Variants in OLFML2B observed in about 807,000 individuals in gnomAD.
OLFML2B encodes the protein olfactomedin-like protein 2B.
In OLFML2B, 57 loss-of-function variants were observed where a neutral mutation model predicts 74.9. That is an observed-to-expected ratio of 0.76 (90% CI 0.61 to 0.95). OLFML2B has a LOEUF of 0.95. OLFML2B is among the 40% of genes least tolerant of loss of function. The pLI, the probability that OLFML2B is intolerant of heterozygous loss-of-function variation, is 0.00. For missense variants in OLFML2B, 986 were observed against 970.6 expected (o/e 1.02, Z -0.21); for synonymous variants, 388 against 405.8 (o/e 0.96, Z 0.53).
chr1:161,995,526 T>G (rs952298334), intron 6 of OLFML2B, among the ~76,000 whole-genome samples: 2 of 151,884 alleles, frequency 1.3e-5, no homozygotes, highest in Non-Finnish European at 2.9e-5. Flanking sequence ...GGGGAAAGAG[T>G]TATAAGTGTC....
rs771916043 is a variant in OLFML2B, at chr1:162,020,054, G to A, written c.303C>T (p.Asp101=). The change falls in exon 2 of 8, where the codon GAC becomes GAT. Residue 101 remains aspartate (D), a synonymous_variant. Transcript: ENST00000294794. ...RINAGASRKE[D]FYTVETITSG... ...AGGTGATGGTTTCCACGGTATAGAA[G>A]TCTTCCTTCCTGGAGGCCCCCGCAT... The A allele has an allele frequency of 6.2e-7, 1 of 1,614,182 alleles. No individual in the cohort carries two copies. The highest frequency in any genetic ancestry group is 8.5e-7 in the Non-Finnish European group (1 of 1,180,032).
Position 162,006,354 on chromosome 1 carries a change from CATGCTA to C in OLFML2B, c.660_665del (p.Asp220_Met222delinsGlu). 1.2e-6 allele frequency: 2 copies of C among 1,612,672 alleles called. No individual in the cohort carries two copies. The highest frequency in any genetic ancestry group is 1.7e-6 in the Non-Finnish European group (2 of 1,179,560). On this transcript the variant is annotated inframe_deletion, in exon 4 of 8. Transcript: ENST00000294794. ...TCTGCAGGGCTGAGCGGATGTCTGGCATGCTATCTAGGATGTTTTCAGAGCAATTTT... is the reference window on the plus strand; with the variant it reads ...TCTGCAGGGCTGAGCGGATGTCTGGCTCTAGGATGTTTTCAGAGCAATTTT...
chr1:162,000,665 G>A (rs568671631), intron 4 of OLFML2B, among the ~76,000 whole-genome samples: 11 of 152,274 alleles, frequency 7.2e-5, no homozygotes, highest in African/African-American at 2.4e-4. Context: ...AATCAGTGTC[G>A]CTATGCTTGA....
chr1:161,992,280 GAA>G (rs1689763085), intron 6 of OLFML2B, among the ~76,000 whole-genome samples: 2 of 152,216 alleles, frequency 1.3e-5, no homozygotes, highest in Non-Finnish European at 2.9e-5. Flanking sequence ...TCATAGAATT[GAA>G]GAGAGTTAGG....
rs150972034 is a variant in OLFML2B at position 162,022,851 on chromosome 1, C to T, written c.174+406G>A. The stretch of plus-strand genomic sequence containing the variant: ...CTCCCGCCTGGTGTCCCACCCTCTG[C>T]CATAAAGTATCTCCCGATGGGATAT... On this transcript the variant is annotated intron_variant, in intron 1 of 7. Coordinates refer to ENST00000294794, the MANE Select transcript of OLFML2B (RefSeq NM_015441.3). Among the ~76,000 whole-genome samples the T allele has an allele frequency of 1.3e-3, 199 of 152,270 alleles. 1 individual carries two copies. In the East Asian group the frequency reaches 0.035, roughly 27 times the overall value.
intron 4 of OLFML2B, among the ~76,000 whole-genome samples, chr1:162,005,458 T>G (rs1437872413): frequency 6.6e-6 from 1 of 152,246 alleles, no homozygotes; most frequent in Non-Finnish European, 1.5e-5. Context: ...GGCCTGCTTT[T>G]CTAGAGCTGT....
At chr1:162,010,632 C>T (rs10218544) in intron 3 of OLFML2B, among the ~76,000 whole-genome samples, 9,209 of 151,976 alleles carry the variant, frequency 0.061, 306 homozygotes, top group African/African-American at 0.092. Flanking sequence ...CGGGTGAGAC[C>T]GTGTAGTATC....
intron 3 of OLFML2B, among the ~76,000 whole-genome samples, chr1:162,014,237 G>A (rs569777724): frequency 6.6e-6 from 1 of 152,266 alleles, no homozygotes; most frequent in Admixed American, 6.5e-5. Context: ...TCGTTTTTCA[G>A]TATTTAAAAC....
At chr1:162,001,800 C>T (rs1212381417) in intron 4 of OLFML2B, among the ~76,000 whole-genome samples, 2 of 152,210 alleles carry the variant, frequency 1.3e-5, no homozygotes, top group African/African-American at 4.8e-5. Context: ...TGGATTGAGG[C>T]TCCCTAATAT....
chr1:161,983,909 G>A lies in OLFML2B; in HGVS notation c.2019C>T (p.Tyr673=), dbSNP rs1329336221. ...CCCCACAGATGACGAAGCAGTTGCC[G>A]TAGAAATTCCTCCGGAGCCCCGTGC... The part of the protein sequence containing the change: ...TWRTGLRRNF[Y]GNCFVICGVL... The change falls in exon 8 of 8, where the codon TAC becomes TAT. Residue 673 remains tyrosine (Y), a synonymous_variant. Transcript: ENST00000294794. 8 of 1,614,082 alleles carry A rather than the reference G, an allele frequency of 5.0e-6. No homozygotes were observed. In the African/African-American group the frequency reaches 6.7e-5, roughly 13 times the overall value.
Position 162,023,775 on chromosome 1 carries a change from C to T in OLFML2B, c.-345G>A. The T allele has an allele frequency of 1.2e-5, 2 of 171,652 alleles. No individual in the cohort carries two copies. Among genetic ancestry groups the T allele is most frequent in the Non-Finnish European group, 2.5e-5 (2 of 81,088 alleles). 10.6% of individuals were successfully genotyped at this position (171,652 alleles called of 1,614,324 possible). A position where few individuals can be genotyped will look rare whatever the true frequency, so the allele number is the denominator to read the frequency against. ...GGCGTTCGGACAGACGCCCGCGGTGCGCGCCGGGACGGGCGGCGGGGAGCC... is the reference window on the plus strand; with the variant it reads ...GGCGTTCGGACAGACGCCCGCGGTGTGCGCCGGGACGGGCGGCGGGGAGCC... On this transcript the variant is annotated 5_prime_UTR_variant, in exon 1 of 8. Coordinates refer to ENST00000294794, the MANE Select transcript of OLFML2B (RefSeq NM_015441.3).
intron 4 of OLFML2B, 133 bp downstream of exon 4, chr1:162,006,164 G>T: frequency 2.6e-6 from 2 of 781,606 alleles, no homozygotes; most frequent in Non-Finnish European, 1.9e-6. Context: ...AGAACCTGCA[G>T]AACAATTGTA....
Position 161,984,893 on chromosome 1 carries a change from G to A in OLFML2B, c.1562C>T (p.Pro521Leu), listed in dbSNP as rs779158212. Residue 521 changes from proline to leucine, a missense_variant, in exon 7 of 8, where the codon CCC (proline) becomes CTC (leucine). Physicochemically the swap from Pro to Leu is moderately conservative, Grantham distance 98. Coordinates refer to ENST00000294794, the MANE Select transcript of OLFML2B (RefSeq NM_015441.3). Reference sequence around the variant, plus strand: ...GTAAATCCGCTCATCCTTGGCCAGGGGGTCCTTCATCCAGGCCCCTTCATT... The same window carrying A: ...GTAAATCCGCTCATCCTTGGCCAGGAGGTCCTTCATCCAGGCCCCTTCATT... ...GRNEGAWMKD[P>L]LAKDERIYVT... The A allele has an allele frequency of 1.2e-6, 2 of 1,612,104 alleles. No individual in the cohort carries two copies. The highest frequency in any genetic ancestry group is 2.2e-5 in the South Asian group (2 of 90,918).
At chr1:161,990,066 G>A (rs772685925) in intron 6 of OLFML2B, among the ~76,000 whole-genome samples, 14 of 152,196 alleles carry the variant, frequency 9.2e-5, no homozygotes, top group Admixed American at 3.9e-4. Flanking sequence ...TCATAGTTCC[G>A]TTTCTTTTTA....
At position 162,023,435 on chromosome 1, in the gene OLFML2B, G is replaced by A. The variant is rs377113617; in HGVS notation, c.-5C>T. On this transcript the variant is annotated 5_prime_UTR_variant, in exon 1 of 8. Coordinates refer to ENST00000294794, the MANE Select transcript of OLFML2B (RefSeq NM_015441.3). ...TAGCAGCCGAGGCTTGGCCATGAGG[G>A]GCGCGATAAGAGTGTCCTCAGCCCC... 1.4e-5 allele frequency: 22 copies of A among 1,551,406 alleles called. No individual in the cohort carries two copies. The African/African-American group carries it at 2.8e-4, about 19-fold the overall frequency.
At chr1:162,004,321 G>A (rs750802045) in intron 4 of OLFML2B, among the ~76,000 whole-genome samples, 1 of 152,136 alleles carries the variant, frequency 6.6e-6, no homozygotes, top group African/African-American at 2.4e-5. Context: ...CCACCAAGCA[G>A]ACTAAACACT....
At chr1:161,985,110 C>T in intron 6 of OLFML2B, 130 bp from the exon 7 acceptor site, 1 of 886,582 alleles carries the variant, frequency 1.1e-6, no homozygotes, top group Non-Finnish European at 1.7e-6. Flanking sequence ...AACCTGACCC[C>T]AAACATTTTT....
intron 3 of OLFML2B, among the ~76,000 whole-genome samples, chr1:162,008,700 C>G (rs1194408962): frequency 6.6e-6 from 1 of 152,212 alleles, no homozygotes; most frequent in East Asian, 1.9e-4. Context: ...CCCAGGCCCA[C>G]TCAGACCTGC....
At chr1:162,017,309 C>T in intron 3 of OLFML2B, 91 bp downstream of exon 3, 2 of 904,954 alleles carry the variant, frequency 2.2e-6, no homozygotes, top group Non-Finnish European at 3.6e-6. Flanking sequence ...GTCTAGTCAG[C>T]ACATGTGCTA....
Sources: allele counts gnomAD v4.1 joint callset (sites outside exome capture counted in the v4.1 genomes callset), GRCh38; gene constraint gnomAD v4.1.1; transcripts MANE v1.5; gene names NCBI Gene and HGNC (gene_info 2026-07-23, HGNC 2026-07-21).